Variants in NPFFR2 observed in about 807,000 individuals in gnomAD.
NPFFR2 encodes the protein G-protein coupled receptor 74.
Under a neutral mutation model 13.1 loss-of-function variants are expected in NPFFR2, and 15 were observed. The ratio of observed to expected loss-of-function variants is 1.15; its 90% CI spans 0.77 to 1.76. The LOEUF (loss-of-function observed/expected upper bound fraction) is 1.76. NPFFR2 is among the 40% of genes most tolerant of loss of function. The probability of loss-of-function intolerance (pLI) is 0.00; values close to 1 mark genes in which losing one functional copy is unlikely to be tolerated. For missense variants in NPFFR2, 572 were observed against 503.5 expected (o/e 1.14, Z -1.30); for synonymous variants, 190 against 175.7 (o/e 1.08, Z -0.65).
intron 1 of NPFFR2, among the ~76,000 whole-genome samples, chr4:72,105,244 A>G (rs1304253017): frequency 6.6e-6 from 1 of 151,948 alleles, no homozygotes; most frequent in Non-Finnish European, 1.5e-5. Context: ...AACATGAAAA[A>G]TATTTCAAAT....
intron 1 of NPFFR2, among the ~76,000 whole-genome samples, chr4:72,053,372 C>A (rs1719646147): frequency 6.6e-6 from 1 of 151,646 alleles, no homozygotes; most frequent in South Asian, 2.1e-4. Context: ...TATGAGTGAA[C>A]TAAAATTGTC....
intron 1 of NPFFR2, among the ~76,000 whole-genome samples, chr4:72,105,278 T>C (rs1721386197): frequency 6.6e-6 from 1 of 152,008 alleles, no homozygotes; most frequent in African/African-American, 2.4e-5. Flanking sequence ...TGTGAATATT[T>C]ATATGGTGCC....
Position 72,120,230 on chromosome 4 carries a change from A to G in NPFFR2, c.-7-8355A>G, listed in dbSNP as rs1276193105. ...CTCTCTAGATTCCTCCTCTCTGGGC[A>G]GGGCATCTCTGAAAGAAAGGCAGCA... On this transcript the variant is annotated intron_variant, in intron 1 of 3. Coordinates refer to ENST00000308744, the MANE Select transcript of NPFFR2 (RefSeq NM_004885.3). Among the ~76,000 whole-genome samples the G allele has an allele frequency of 2.6e-5, 4 of 152,338 alleles. No homozygotes were observed. The East Asian group carries it at 5.8e-4, about 22-fold the overall frequency.
chr4:72,140,829 AAGGT>A (rs1722586006), intron 3 of NPFFR2, among the ~76,000 whole-genome samples: 1 of 152,086 alleles, frequency 6.6e-6, no homozygotes, highest in Admixed American at 6.6e-5. Context: ...ATAGTTTCAG[AAGGT>A]ATAGTACCAG....
chr4:72,034,648 T>A (rs565303316), intron 1 of NPFFR2, among the ~76,000 whole-genome samples: 6 of 152,370 alleles, frequency 3.9e-5, no homozygotes, highest in Non-Finnish European at 7.3e-5. Context: ...ATATGAATTT[T>A]ATGCTTACCA....
rs1158358179 is a variant in NPFFR2 at position 72,038,905 on chromosome 4, C to CTTTTTT, written c.-8+6721_-8+6726dup. On this transcript the variant is annotated intron_variant, in intron 1 of 3. Transcript: ENST00000308744. Reference sequence around the variant, plus strand: ...AATTCTTGATTTTTAAATTTCCTTTCTTTTTTTTTTTTTTTTTTTTTGAGA... The same window carrying CTTTTTT: ...AATTCTTGATTTTTAAATTTCCTTTCTTTTTTTTTTTTTTTTTTTTTTTTTTTGAGA... Among the ~76,000 whole-genome samples the CTTTTTT allele has an allele frequency of 7.3e-3, 618 of 84,612 alleles. 22 individuals carry two copies. Among genetic ancestry groups the CTTTTTT allele is most frequent in the East Asian group, 0.013 (33 of 2,572 alleles). 55.5% of individuals were successfully genotyped at this position (84,612 alleles called of 152,430 possible). A position where few individuals can be genotyped will look rare whatever the true frequency, so the allele number is the denominator to read the frequency against.
intron 1 of NPFFR2, among the ~76,000 whole-genome samples, chr4:72,053,607 T>C (rs1466288450): frequency 6.6e-6 from 1 of 151,902 alleles, no homozygotes; most frequent in African/African-American, 2.4e-5. Flanking sequence ...TGCCAATATA[T>C]AGAAATACAA....
rs138006871 is a variant in NPFFR2 at position 72,123,056 on chromosome 4, A to G, written c.-7-5529A>G. ...AGAAGAATCAAATAGACACAATAAA[A>G]AATTATAAAGGGGATATCATCACTG... On this transcript the variant is annotated intron_variant, in intron 1 of 3. Transcript: ENST00000308744. Among the ~76,000 whole-genome samples, 447 of 152,292 alleles carry G rather than the reference A, an allele frequency of 2.9e-3. 1 individual carries two copies. Among genetic ancestry groups the G allele is most frequent in the African/African-American group, 0.01 (426 of 41,566 alleles).
intron 1 of NPFFR2, among the ~76,000 whole-genome samples, chr4:72,127,551 G>A (rs1722096419): frequency 1.4e-5 from 2 of 145,486 alleles, no homozygotes; most frequent in African/African-American, 5.2e-5. Context: ...TTTTAGTAGA[G>A]ACGGGGTTTC....
At chr4:72,086,873 G>A (rs1323685996) in intron 1 of NPFFR2, among the ~76,000 whole-genome samples, 2 of 151,742 alleles carry the variant, frequency 1.3e-5, no homozygotes, top group Non-Finnish European at 2.9e-5. Context: ...GCATCCCATG[G>A]GAACACAAAA....
At position 72,047,287 on chromosome 4, in the gene NPFFR2, G is replaced by A. The variant is rs146567926; in HGVS notation, c.-8+15087G>A. Among the ~76,000 whole-genome samples the A allele has an allele frequency of 2.2e-3, 341 of 152,234 alleles. 5 individuals are homozygous for A. Among genetic ancestry groups the A allele is most frequent in the African/African-American group, 7.8e-3 (322 of 41,534 alleles). On this transcript the variant is annotated intron_variant, in intron 1 of 3. Coordinates refer to ENST00000308744, the MANE Select transcript of NPFFR2 (RefSeq NM_004885.3). Reference sequence around the variant, plus strand: ...CCAGGTGCTATATATCAAGACCATGGAAGAAAGACCCTGAAGGCATTTCAC... The same window carrying A: ...CCAGGTGCTATATATCAAGACCATGAAAGAAAGACCCTGAAGGCATTTCAC...
rs141904924 is a variant in NPFFR2 at position 72,037,651 on chromosome 4, C to T, written c.-8+5451C>T. Among the ~76,000 whole-genome samples the T allele has an allele frequency of 1.1e-4, 17 of 152,304 alleles. No homozygotes were observed. In the East Asian group the frequency reaches 3.3e-3, roughly 29 times the overall value. On this transcript the variant is annotated intron_variant, in intron 1 of 3. Coordinates refer to ENST00000308744, the MANE Select transcript of NPFFR2 (RefSeq NM_004885.3). Reference sequence around the variant, plus strand: ...TCCTCTTCTGTCTGGAATTCCTCATCCTCCACAGGTGTGCAAACTGTTTTG... The same window carrying T: ...TCCTCTTCTGTCTGGAATTCCTCATTCTCCACAGGTGTGCAAACTGTTTTG...
At position 72,147,140 on chromosome 4, in the gene NPFFR2, G is replaced by A; in HGVS notation, c.591G>A (p.Gln197=). The A allele has an allele frequency of 1.9e-6, 3 of 1,614,048 alleles. No individual in the cohort carries two copies. The highest frequency in any genetic ancestry group is 1.3e-5 in the African/African-American group (1 of 75,000). Residue 197 remains glutamine (Q), a synonymous_variant, in exon 4 of 4, where the codon CAG becomes CAA. Transcript: ENST00000308744. ...EKYYRVRLNS[Q]NKTSPVYWCR... ...ATTACCGAGTGAGACTCAACTCCCA[G>A]AATAAAACCAGTCCAGTCTACTGGT... is the stretch of plus-strand genomic sequence containing the variant.
chr4:72,105,428 A>G (rs1162559572), intron 1 of NPFFR2, among the ~76,000 whole-genome samples: 1 of 152,016 alleles, frequency 6.6e-6, no homozygotes, highest in Non-Finnish European at 1.5e-5. Flanking sequence ...ATGAAGCAAG[A>G]CCAACATTCT....
intron 1 of NPFFR2, among the ~76,000 whole-genome samples, chr4:72,047,005 C>G (rs1467477195): frequency 1.3e-5 from 2 of 152,062 alleles, no homozygotes; most frequent in Non-Finnish European, 2.9e-5. Context: ...AAGTGATGAA[C>G]TAGGATATCT....
intron 1 of NPFFR2, among the ~76,000 whole-genome samples, chr4:72,079,351 ATAC>A (rs928383918): frequency 1.3e-5 from 2 of 152,156 alleles, no homozygotes; most frequent in Non-Finnish European, 2.9e-5. Flanking sequence ...AAGCTTTCAA[ATAC>A]TACATTTGGA....
chr4:72,089,032 G>C (rs7660003), intron 1 of NPFFR2, among the ~76,000 whole-genome samples: 2 of 152,040 alleles, frequency 1.3e-5, no homozygotes, highest in Non-Finnish European at 2.9e-5. Context: ...TTCTTATGCC[G>C]TTATGTCCTC....
intron 3 of NPFFR2, among the ~76,000 whole-genome samples, chr4:72,146,056 C>T (rs1006657736): frequency 1.6e-4 from 24 of 152,284 alleles, no homozygotes; most frequent in Admixed American, 4.6e-4. Context: ...AATCAGAACT[C>T]ATAATGAATA....
At chr4:72,137,445 T>C (rs1722453127) in intron 2 of NPFFR2, among the ~76,000 whole-genome samples, 1 of 152,204 alleles carries the variant, frequency 6.6e-6, no homozygotes, top group South Asian at 2.1e-4. Context: ...AATACTTTTG[T>C]TCATGCAAAG....
Sources: gnomAD v4.1 joint callset for allele counts (sites outside exome capture counted in the v4.1 genomes callset) on GRCh38, gnomAD v4.1.1 for gene constraint, MANE v1.5 for transcripts, NCBI Gene and HGNC (gene_info 2026-07-23, HGNC 2026-07-21) for gene names.